Variants in PRIMA1 observed in about 807,000 individuals in gnomAD.
PRIMA1 encodes proline rich membrane anchor 1, also known as proline-rich membrane anchor 1.
Under a neutral mutation model 17.5 loss-of-function variants are expected in PRIMA1, and 7 were observed. The ratio of observed to expected loss-of-function variants is 0.40; its 90% CI spans 0.23 to 0.75. The LOEUF is 0.75. Among genes scored for constraint, PRIMA1 ranks in the 30% least tolerant of loss-of-function variants. The pLI is 0.37. For synonymous variants in PRIMA1, 97 were observed against 77.9 expected, an observed-to-expected ratio of 1.25 and a Z score of -1.29; for missense variants, 200 against 201.8, an observed-to-expected ratio of 0.99 and a Z score of 0.05.
At chr14:93,725,397 GA>G (rs1221349492) in intron 4 of PRIMA1, among the ~76,000 whole-genome samples, 1 of 152,174 alleles carries the variant, frequency 6.6e-6, no homozygotes, top group Admixed American at 6.5e-5. Flanking sequence ...GCCTTTCTGG[GA>G]TTCACTGCAG....
At chr14:93,767,690 C>CT (rs1291164011) in intron 3 of PRIMA1, among the ~76,000 whole-genome samples, 1 of 152,228 alleles carries the variant, frequency 6.6e-6, no homozygotes, top group African/African-American at 2.4e-5. Flanking sequence ...GCAGAATCTC[C>CT]TGCCATTATG....
At chr14:93,786,154 C>T (rs1252416966) in intron 2 of PRIMA1, among the ~76,000 whole-genome samples, 2 of 152,144 alleles carry the variant, frequency 1.3e-5, no homozygotes, top group South Asian at 2.1e-4. Flanking sequence ...AATCTAAAAA[C>T]GAAGTGAACT....
At chr14:93,760,288 C>G (rs895192515) in intron 3 of PRIMA1, among the ~76,000 whole-genome samples, 8 of 152,194 alleles carry the variant, frequency 5.3e-5, no homozygotes, top group African/African-American at 1.7e-4. Context: ...TGCTCAGAAA[C>G]CTTTAGATCT....
chr14:93,772,680 G>A (rs1885104156), intron 3 of PRIMA1, among the ~76,000 whole-genome samples: 1 of 152,248 alleles, frequency 6.6e-6, no homozygotes, highest in Non-Finnish European at 1.5e-5. Context: ...CGTTGACACT[G>A]AGGATCACAT....
At chr14:93,773,852 G>A (rs1487577178) in intron 3 of PRIMA1, among the ~76,000 whole-genome samples, 1 of 152,194 alleles carries the variant, frequency 6.6e-6, no homozygotes, top group African/African-American at 2.4e-5. Flanking sequence ...CCAGCACTTT[G>A]GGAGGCTGAG....
intron 3 of PRIMA1, among the ~76,000 whole-genome samples, chr14:93,748,665 A>T (rs967674909): frequency 6.6e-6 from 1 of 152,102 alleles, no homozygotes; most frequent in Non-Finnish European, 1.5e-5. Context: ...CCTTATCTGT[A>T]GCCTGTGCTC....
At chr14:93,770,046 C>T (rs908903361) in intron 3 of PRIMA1, among the ~76,000 whole-genome samples, 2 of 152,184 alleles carry the variant, frequency 1.3e-5, no homozygotes, top group South Asian at 2.1e-4. Flanking sequence ...TTCTTGCTTC[C>T]GCTCTCCCCC....
intron 3 of PRIMA1, among the ~76,000 whole-genome samples, chr14:93,765,491 C>T (rs1884868554): frequency 6.7e-6 from 1 of 150,206 alleles, no homozygotes; most frequent in African/African-American, 2.5e-5. Context: ...AGAGTGGCCA[C>T]CCTGTACTGG....
At chr14:93,777,526 C>T (rs758432713) in intron 3 of PRIMA1, among the ~76,000 whole-genome samples, 15 of 152,044 alleles carry the variant, frequency 9.9e-5, no homozygotes, top group East Asian at 3.9e-4. Flanking sequence ...TTAGTAGAGA[C>T]GGGGTTTCAC....
At chr14:93,755,068 T>C (rs2076282515) in intron 3 of PRIMA1, among the ~76,000 whole-genome samples, 1 of 151,954 alleles carries the variant, frequency 6.6e-6, no homozygotes, top group Non-Finnish European at 1.5e-5. Context: ...AACCATAAAA[T>C]ATAACCAATA....
chr14:93,780,180 CCT>C (rs1344679475), intron 2 of PRIMA1, among the ~76,000 whole-genome samples: 1 of 152,234 alleles, frequency 6.6e-6, no homozygotes, highest in East Asian at 1.9e-4. Flanking sequence ...CTGCTACGCC[CCT>C]GACTCAGCTT....
At chr14:93,764,476 A>C (rs984404131) in intron 3 of PRIMA1, among the ~76,000 whole-genome samples, 1 of 151,678 alleles carries the variant, frequency 6.6e-6, no homozygotes, top group Non-Finnish European at 1.5e-5. Flanking sequence ...TCCACATGAG[A>C]AAAAACAGAA....
At chr14:93,782,310 A>ACATACATACATG (rs1426872372) in intron 2 of PRIMA1, among the ~76,000 whole-genome samples, 1 of 151,938 alleles carries the variant, frequency 6.6e-6, no homozygotes, top group East Asian at 1.9e-4. Context: ...ATACATACAT[A>ACATACATACATG]AATACATAAA....
intron 3 of PRIMA1, among the ~76,000 whole-genome samples, chr14:93,742,812 G>A (rs926128292): frequency 5.3e-5 from 8 of 152,204 alleles, no homozygotes; most frequent in East Asian, 1.9e-4. Context: ...GCACAATGGC[G>A]CATAGCTCAG....
At chr14:93,750,199 T>G (rs780914216) in intron 3 of PRIMA1, among the ~76,000 whole-genome samples, 1 of 151,830 alleles carries the variant, frequency 6.6e-6, no homozygotes, top group East Asian at 1.9e-4. Flanking sequence ...AAAAAAAAAT[T>G]TGCTGGGATA....
In PRIMA1 at chr14:93,726,150, G is replaced by C. The variant is rs551176716; in HGVS notation, c.360-4604C>G. 1.4e-5 allele frequency: 6 copies of C among 435,992 alleles called. No individual in the cohort carries two copies. The East Asian group carries it at 2.1e-4, about 15-fold the overall frequency. The allele number at this position is 435,992 out of a possible 1,614,324, so 27.0% of individuals were successfully genotyped here. A position where few individuals can be genotyped will look rare whatever the true frequency, so the allele number is the denominator to read the frequency against. ...CAGCAGGCTCCCACATTCCCTGCTCGGAGTGCCGCGCGGACAGCTCCAGCC... is the reference window on the plus strand; with the variant it reads ...CAGCAGGCTCCCACATTCCCTGCTCCGAGTGCCGCGCGGACAGCTCCAGCC... On this transcript the variant is annotated intron_variant, in intron 4 of 4. Coordinates refer to ENST00000393140, the MANE Select transcript of PRIMA1 (RefSeq NM_178013.4). The surrounding 1 kb of genome is among the most constrained non-coding windows in gnomAD (Gnocchi z 4.2).
chr14:93,753,889 C>A (rs921173028), intron 3 of PRIMA1, among the ~76,000 whole-genome samples: 1 of 152,188 alleles, frequency 6.6e-6, no homozygotes, highest in African/African-American at 2.4e-5. Context: ...ACTGCCTTTC[C>A]CTTCATAACA....
intron 2 of PRIMA1, among the ~76,000 whole-genome samples, chr14:93,780,076 C>T (rs1057410290): frequency 1.3e-5 from 2 of 152,244 alleles, no homozygotes; most frequent in Non-Finnish European, 2.9e-5. Flanking sequence ...ATGCTCTCTC[C>T]CCATCTCTCT....
chr14:93,758,368 T>C (rs1284005842), intron 3 of PRIMA1, among the ~76,000 whole-genome samples: 2 of 151,946 alleles, frequency 1.3e-5, no homozygotes, highest in Non-Finnish European at 2.9e-5. Flanking sequence ...AGCAGATCAC[T>C]TGAGGTCAGG....
Sources: gnomAD v4.1 joint callset for allele counts (sites outside exome capture counted in the v4.1 genomes callset) on GRCh38, gnomAD v4.1.1 for gene constraint, Gnocchi (gnomAD v3.1) non-coding constraint, MANE v1.5 for transcripts, NCBI Gene and HGNC (gene_info 2026-07-23, HGNC 2026-07-21) for gene names.